Variants in ZBTB20 observed in about 807,000 individuals in gnomAD.
ZBTB20 encodes zinc finger and BTB domain containing 20, also known as zinc finger and BTB domain-containing protein 20.
ZBTB20 carries 9 observed loss-of-function variants against 56.9 expected under a neutral mutation model. That is an observed-to-expected ratio of 0.16 (90% CI 0.10 to 0.28). The LOEUF (loss-of-function observed/expected upper bound fraction) is 0.28. Among genes scored for constraint, ZBTB20 ranks in the 10% least tolerant of loss-of-function variants. ZBTB20 has a pLI of 1.00. For missense variants in ZBTB20, 655 were observed against 1,003.0 expected (o/e 0.65, Z 4.69); for synonymous variants, 417 against 420.7 (o/e 0.99, Z 0.11).
At chr3:114,580,044 G>C (rs555002214) in intron 6 of ZBTB20, among the ~76,000 whole-genome samples, 1 of 151,674 alleles carries the variant, frequency 6.6e-6, no homozygotes, top group Non-Finnish European at 1.5e-5. Context: ...GGCCAGTATT[G>C]TCACAGCAAA....
intron 5 of ZBTB20, among the ~76,000 whole-genome samples, chr3:114,729,956 A>ATTTTTT (rs1229757252): frequency 3.6e-4 from 43 of 119,430 alleles, no homozygotes; most frequent in Admixed American, 5.3e-4. Flanking sequence ...CATCCGGCTA[A>ATTTTTT]TTTTTTTTTT....
At chr3:114,720,519 G>A (rs541809092) in intron 5 of ZBTB20, among the ~76,000 whole-genome samples, 22 of 152,146 alleles carry the variant, frequency 1.4e-4, no homozygotes, top group African/African-American at 5.3e-4. Context: ...CACATGCCAA[G>A]TAAGAAAGCA....
intron 5 of ZBTB20, chr3:114,759,036 C>A (rs143454510): frequency 1.3e-5 from 2 of 152,068 alleles, no homozygotes; most frequent in African/African-American, 4.8e-5. Flanking sequence ...CAATTATTTG[C>A]CAGTAAATAC....
chr3:114,430,585 C>A (rs986489368), intron 7 of ZBTB20, among the ~76,000 whole-genome samples: 3 of 152,146 alleles, frequency 2.0e-5, no homozygotes, highest in African/African-American at 4.8e-5. Context: ...TGAGCATGAG[C>A]AAACTAACAT....
intron 6 of ZBTB20, among the ~76,000 whole-genome samples, chr3:114,572,619 G>C (rs1341997264): frequency 6.6e-6 from 1 of 152,168 alleles, no homozygotes; most frequent in African/African-American, 2.4e-5. Context: ...AGAGGGTGAG[G>C]TCTGTAAAGT....
At chr3:114,731,270 T>C (rs2065726623) in intron 5 of ZBTB20, among the ~76,000 whole-genome samples, 1 of 152,186 alleles carries the variant, frequency 6.6e-6, no homozygotes, top group Non-Finnish European at 1.5e-5. Context: ...TACCTGAAGA[T>C]GTTCCTATCT....
At chr3:115,098,184 T>C (rs963586322) in intron 1 of ZBTB20, among the ~76,000 whole-genome samples, 1 of 152,170 alleles carries the variant, frequency 6.6e-6, no homozygotes, top group Admixed American at 6.5e-5. Context: ...TATCCATACA[T>C]GTATGACTTC....
chr3:115,029,366 T>G (rs2080568933), intron 2 of ZBTB20, among the ~76,000 whole-genome samples: 1 of 150,628 alleles, frequency 6.6e-6, no homozygotes. Context: ...AGAGAGACCT[T>G]GATTAAATAA....
intron 1 of ZBTB20, among the ~76,000 whole-genome samples, chr3:115,091,712 A>G (rs1196561915): frequency 6.7e-6 from 1 of 148,796 alleles, no homozygotes. Flanking sequence ...TATATATAAT[A>G]CATACATATA....
In ZBTB20 at chr3:114,471,693, T is replaced by C. The variant is rs182486671; in HGVS notation, c.-255+28659A>G. 1.5e-3 allele frequency among the ~76,000 whole-genome samples: 230 copies of C among 152,306 alleles called. 1 individual carries two copies. Among genetic ancestry groups the C allele is most frequent in the African/African-American group, 5.2e-3 (217 of 41,580 alleles). ...TTCCTTTACAAATGTAAATAAAACA[T>C]TGTGTGTTGGAGGTCAGAGGGCAAA... On this transcript the variant is annotated intron_variant, in intron 7 of 11. Transcript: ENST00000675478.
At chr3:114,851,732 T>C (rs1489296782) in intron 4 of ZBTB20, among the ~76,000 whole-genome samples, 1 of 152,130 alleles carries the variant, frequency 6.6e-6, no homozygotes, top group African/African-American at 2.4e-5. Flanking sequence ...TTTGTTCTTT[T>C]AACCAACTTC....
chr3:114,624,655 T>C (rs2058547306), intron 6 of ZBTB20, among the ~76,000 whole-genome samples: 1 of 152,144 alleles, frequency 6.6e-6, no homozygotes, highest in Non-Finnish European at 1.5e-5. Flanking sequence ...CCAAATTTCA[T>C]TTCTGCCCAG....
intron 6 of ZBTB20, among the ~76,000 whole-genome samples, chr3:114,548,614 G>A (rs917446694): frequency 4.6e-5 from 7 of 151,862 alleles, no homozygotes; most frequent in African/African-American, 1.7e-4. Flanking sequence ...TGCCTCTTGG[G>A]TTCAAGTGAT....
At chr3:114,969,919 A>G (rs1453353506) in intron 3 of ZBTB20, among the ~76,000 whole-genome samples, 1 of 152,220 alleles carries the variant, frequency 6.6e-6, no homozygotes, top group Non-Finnish European at 1.5e-5. Flanking sequence ...TGTGGTCTCA[A>G]ATGTTACCAG....
Position 114,421,807 on chromosome 3 carries a change from A to ATTT in ZBTB20, c.-254-32705_-254-32703dup, listed in dbSNP as rs11376377. On this transcript the variant is annotated intron_variant, in intron 7 of 11. Transcript: ENST00000675478. ...CATTAAAGTCATTTTAAGACTACAGATTTTTTTTTTTTTTAACTCTGCGTG... is the reference window on the plus strand; with the variant it reads ...CATTAAAGTCATTTTAAGACTACAGATTTTTTTTTTTTTTTTTAACTCTGCGTG... 2.9e-3 allele frequency among the ~76,000 whole-genome samples: 435 copies of ATTT among 147,688 alleles called. 4 individuals carry two copies. The highest frequency in any genetic ancestry group is 4.8e-3 in the Non-Finnish European group (325 of 67,156).
intron 5 of ZBTB20, among the ~76,000 whole-genome samples, chr3:114,779,400 G>A (rs2069885553): frequency 6.6e-6 from 1 of 151,898 alleles, no homozygotes; most frequent in Non-Finnish European, 1.5e-5. Flanking sequence ...TTCTTTTCCT[G>A]TTACTATCTT....
chr3:114,982,345 T>C lies in ZBTB20; in HGVS notation c.-506-7929A>G, dbSNP rs1227610007. 2.6e-5 allele frequency among the ~76,000 whole-genome samples: 4 copies of C among 152,016 alleles called. No homozygotes were observed. In the East Asian group the frequency reaches 7.7e-4, roughly 29 times the overall value. Reference sequence around the variant, plus strand: ...AAATAACATGTCAAAGTAAAATGCATACTTAATGAGGGCCAGCAAGGGGCC... The same window carrying C: ...AAATAACATGTCAAAGTAAAATGCACACTTAATGAGGGCCAGCAAGGGGCC... On this transcript the variant is annotated intron_variant, in intron 2 of 11. Coordinates refer to ENST00000675478, the MANE Select transcript of ZBTB20 (RefSeq NM_001348800.3).
chr3:115,067,830 G>T (rs2082263490), intron 2 of ZBTB20, among the ~76,000 whole-genome samples: 1 of 152,044 alleles, frequency 6.6e-6, no homozygotes, highest in Admixed American at 6.6e-5. Flanking sequence ...TTGCTAGCCT[G>T]CCGCAATTTT....
chr3:114,592,899 A>G (rs1252590233), intron 6 of ZBTB20, among the ~76,000 whole-genome samples: 1 of 152,186 alleles, frequency 6.6e-6, no homozygotes, highest in Non-Finnish European at 1.5e-5. Context: ...CTCTTAGTAT[A>G]TAATTTGAAC....
Sources: gnomAD v4.1 joint callset for allele counts (sites outside exome capture counted in the v4.1 genomes callset) on GRCh38, gnomAD v4.1.1 for gene constraint, MANE v1.5 for transcripts, NCBI Gene and HGNC (gene_info 2026-07-23, HGNC 2026-07-21) for gene names.